The following CHST9 variants were observed in gnomAD, a reference collection of about 807,000 sequenced individuals.
CHST9 encodes carbohydrate sulfotransferase 9.
A neutral mutation model predicts 44.4 loss-of-function variants in CHST9; 41 were observed. The observed-to-expected ratio is 0.92, with a 90% CI of 0.72 to 1.20. The LOEUF is 1.20. CHST9 is among the 50% of genes most tolerant of loss of function. The pLI is 0.00. For missense variants in CHST9, 504 were observed against 516.5 expected, an observed-to-expected ratio of 0.98 and a Z score of 0.23; for synonymous variants, 171 against 178.4, an observed-to-expected ratio of 0.96 and a Z score of 0.33.
At chr18:27,114,433 C>T (rs1470747528) in intron 2 of CHST9, among the ~76,000 whole-genome samples, 2 of 152,128 alleles carry the variant, frequency 1.3e-5, no homozygotes, top group Admixed American at 6.5e-5. Context: ...TTTTCAGAGT[C>T]TACTTTTTCA....
chr18:26,967,643 T>C (rs957486394), intron 4 of CHST9, among the ~76,000 whole-genome samples: 1 of 152,180 alleles, frequency 6.6e-6, no homozygotes, highest in Admixed American at 6.5e-5. Flanking sequence ...TTCTTAGAAG[T>C]GGAATTATGT....
intron 4 of CHST9, among the ~76,000 whole-genome samples, chr18:27,001,012 T>C (rs990789597): frequency 2.0e-5 from 3 of 152,312 alleles, no homozygotes; most frequent in Middle Eastern, 3.4e-3. Context: ...GCAACCCACA[T>C]TGGAGATCAG....
chr18:27,143,237 A>G (rs2058583037), intron 1 of CHST9, among the ~76,000 whole-genome samples: 2 of 152,182 alleles, frequency 1.3e-5, no homozygotes, highest in African/African-American at 4.8e-5. Flanking sequence ...AGAATAACAG[A>G]ATGGGTTGTT....
Position 27,024,104 on chromosome 18 carries a change from G to A in CHST9, c.202+12C>T, listed in dbSNP as rs2057256730. The A allele has an allele frequency of 1.2e-6, 2 of 1,610,864 alleles. No individual in the cohort carries two copies. The highest frequency in any genetic ancestry group is 8.5e-7 in the Non-Finnish European group (1 of 1,178,068). ...CTACCCAAGATTCAAACATTATGAG[G>A]AAGTTACTCACTGATTCTGGGTACA... On this transcript the variant is annotated intron_variant, in intron 4 of 5. Coordinates refer to ENST00000618847, the MANE Select transcript of CHST9 (RefSeq NM_031422.6).
intron 2 of CHST9, among the ~76,000 whole-genome samples, chr18:27,062,905 T>C (rs1224006831): frequency 1.3e-5 from 2 of 152,224 alleles, no homozygotes. Context: ...ATTTCTCTGA[T>C]GGCCAGTAAT....
chr18:26,996,195 A>T lies in CHST9; in HGVS notation c.202+27921T>A, dbSNP rs552676937. ...GGGTAGTCCGTCATGCACCATTCTTACACTCTCATTCTTTGTACTTCTGCT... is the reference window on the plus strand; with the variant it reads ...GGGTAGTCCGTCATGCACCATTCTTTCACTCTCATTCTTTGTACTTCTGCT... On this transcript the variant is annotated intron_variant, in intron 4 of 5. Transcript: ENST00000618847. Among the ~76,000 whole-genome samples, 7 of 152,232 alleles carry T rather than the reference A, an allele frequency of 4.6e-5. No individual in the cohort carries two copies. The South Asian group carries it at 1.4e-3, about 32-fold the overall frequency.
At chr18:26,920,513 C>G (rs2055629588) in intron 5 of CHST9, among the ~76,000 whole-genome samples, 1 of 152,192 alleles carries the variant, frequency 6.6e-6, no homozygotes, top group Non-Finnish European at 1.5e-5. Flanking sequence ...TCACCCCACT[C>G]TACCTCCATT....
At chr18:27,062,548 T>C (rs1043333487) in intron 2 of CHST9, among the ~76,000 whole-genome samples, 1 of 152,194 alleles carries the variant, frequency 6.6e-6, no homozygotes, top group African/African-American at 2.4e-5. Context: ...CATTTTCTTA[T>C]CCAGTCTATC....
rs374492740 is a variant in CHST9, at chr18:27,116,377, C to G, written c.121+26312G>C. Among the ~76,000 whole-genome samples the G allele has an allele frequency of 4.5e-4, 69 of 152,220 alleles. 1 individual carries two copies. In the South Asian group the frequency reaches 0.014, roughly 31 times the overall value. On this transcript the variant is annotated intron_variant, in intron 2 of 5. Transcript: ENST00000618847. The stretch of plus-strand genomic sequence containing the variant: ...AGTATTATTTGTTAAAAATACTATT[C>G]TTTCTCCATTAAACTGTCTTGCCAA...
chr18:26,978,142 T>A (rs2145185426), intron 4 of CHST9, among the ~76,000 whole-genome samples: 1 of 152,136 alleles, frequency 6.6e-6, no homozygotes, highest in African/African-American at 2.4e-5. Context: ...AATAGATTTT[T>A]TTTTGCAATA....
At chr18:27,167,985 G>A (rs1567947237) in intron 1 of CHST9, among the ~76,000 whole-genome samples, 2 of 152,020 alleles carry the variant, frequency 1.3e-5, no homozygotes, top group Admixed American at 6.5e-5. Flanking sequence ...AGAAAGATAG[G>A]CAAAAAGCCT....
At position 26,911,505 on chromosome 18, in the gene CHST9, A is replaced by G. The variant is rs556081581; in HGVS notation, c.*4754T>C. 6.6e-6 allele frequency: 1 copy of G among 152,340 alleles called. No homozygotes were observed. Among genetic ancestry groups the G allele is most frequent in the East Asian group, 1.9e-4 (1 of 5,182 alleles). The allele number at this position is 152,340 out of a possible 1,614,324, so 9.4% of individuals were successfully genotyped here. On this transcript the variant is annotated 3_prime_UTR_variant, in exon 6 of 6. Transcript: ENST00000618847. Reference sequence around the variant, plus strand: ...TCTTTTTCTGCCTATCAGGGAGCTCATAAAGAGATGAGATTTTGAAATTGA... The same window carrying G: ...TCTTTTTCTGCCTATCAGGGAGCTCGTAAAGAGATGAGATTTTGAAATTGA...
intron 5 of CHST9, among the ~76,000 whole-genome samples, chr18:26,932,273 C>T (rs1030061264): frequency 9.9e-5 from 15 of 152,202 alleles, no homozygotes; most frequent in African/African-American, 3.6e-4. Context: ...GTAGCATAAA[C>T]CACACAGAGA....
At chr18:27,017,593 G>T (rs994498596) in intron 4 of CHST9, among the ~76,000 whole-genome samples, 1 of 152,178 alleles carries the variant, frequency 6.6e-6, no homozygotes, top group South Asian at 2.1e-4. Flanking sequence ...CTGGGAGGTA[G>T]AGAGAAGGTA....
intron 2 of CHST9, among the ~76,000 whole-genome samples, chr18:27,062,707 C>T (rs2057739546): frequency 6.6e-6 from 1 of 152,164 alleles, no homozygotes; most frequent in Non-Finnish European, 1.5e-5. Flanking sequence ...AATGGTATTT[C>T]TAGTTCTAGA....
At chr18:27,067,226 C>T (rs1421438439) in intron 2 of CHST9, among the ~76,000 whole-genome samples, 1 of 152,012 alleles carries the variant, frequency 6.6e-6, no homozygotes, top group Admixed American at 6.6e-5. Flanking sequence ...TTCACCATAA[C>T]CGACTTTTTT....
chr18:26,940,503 A>G lies in CHST9; in HGVS notation c.240+3826T>C, dbSNP rs555452779. On this transcript the variant is annotated intron_variant, in intron 5 of 5. Transcript: ENST00000618847. ...TATTTCTCAGCAAGATGATATTTTA[A>G]AAAGCAAACTGCAGGAGAATGGAAG... is the stretch of plus-strand genomic sequence containing the variant. Among the ~76,000 whole-genome samples, 10 of 152,344 alleles carry G rather than the reference A, an allele frequency of 6.6e-5. No homozygotes were observed. The South Asian group carries it at 1.0e-3, about 16-fold the overall frequency.
At chr18:27,063,994 T>C (rs1193819534) in intron 2 of CHST9, among the ~76,000 whole-genome samples, 1 of 152,126 alleles carries the variant, frequency 6.6e-6, no homozygotes. Context: ...CCAATTATAT[T>C]TCCAGGGACA....
At chr18:27,118,762 T>C (rs1047969904) in intron 2 of CHST9, among the ~76,000 whole-genome samples, 5 of 152,226 alleles carry the variant, frequency 3.3e-5, no homozygotes, top group Non-Finnish European at 5.9e-5. Context: ...CTTCCTTCAC[T>C]TAGCCACTGG....
Sources: allele counts gnomAD v4.1 joint callset (sites outside exome capture counted in the v4.1 genomes callset), GRCh38; gene constraint gnomAD v4.1.1; transcripts MANE v1.5; gene names NCBI Gene and HGNC (gene_info 2026-07-23, HGNC 2026-07-21).